ZNF682: variants seen among roughly 807,000 people sequenced by gnomAD.
The protein encoded by ZNF682 is zinc finger protein 682.
A neutral mutation model predicts 36.5 loss-of-function variants in ZNF682; 29 were observed. That is an observed-to-expected ratio of 0.80 (90% CI 0.59 to 1.08). ZNF682 has a LOEUF of 1.08. Among genes scored for constraint, ZNF682 ranks in the 50% least tolerant of loss-of-function variants. ZNF682 has a pLI of 0.00. For synonymous variants in ZNF682, 180 were observed against 197.0 expected, an observed-to-expected ratio of 0.91 and a Z score of 0.72; for missense variants, 561 against 579.7, an observed-to-expected ratio of 0.97 and a Z score of 0.33.
chr19:20,012,674 A>C (rs184239430), intron 3 of ZNF682, among the ~76,000 whole-genome samples: 28 of 151,124 alleles, frequency 1.9e-4, no homozygotes, highest in African/African-American at 6.6e-4. Flanking sequence ...AGGCTGAGGC[A>C]GGAGAATGGC....
At chr19:19,997,866 G>C (rs1271899316) in intron 3 of ZNF682, among the ~76,000 whole-genome samples, 1 of 152,230 alleles carries the variant, frequency 6.6e-6, no homozygotes, top group African/African-American at 2.4e-5. Flanking sequence ...ATGGCCTCTA[G>C]GTGGTGAGAG....
At chr19:19,997,989 T>C (rs2088138198) in intron 3 of ZNF682, among the ~76,000 whole-genome samples, 1 of 152,094 alleles carries the variant, frequency 6.6e-6, no homozygotes. Flanking sequence ...TATCAAGTGG[T>C]CAAAAGCAGG....
chr19:19,997,684 G>A (rs992696597), intron 3 of ZNF682, among the ~76,000 whole-genome samples: 2 of 152,206 alleles, frequency 1.3e-5, no homozygotes, highest in Non-Finnish European at 2.9e-5. Flanking sequence ...ACCCCAAAAG[G>A]TGGAGGCAAA....
chr19:20,006,388 C>T lies in ZNF682; in HGVS notation c.1114G>A (p.Glu372Lys). 1 of 1,612,706 alleles carries T rather than the reference C, an allele frequency of 6.2e-7. No homozygotes were observed. The highest frequency in any genetic ancestry group is 8.5e-7 in the Non-Finnish European group (1 of 1,179,680). Residue 372 changes from glutamate (E) to lysine (K), a missense_variant, in exon 4 of 4, where the codon GAA becomes AAA. Coordinates refer to ENST00000397165, the MANE Select transcript of ZNF682 (RefSeq NM_033196.3). ...CTCTTAAAGACTTTGTCACATTTTTCACATTTGTAGGGTTTCTCTCCGCTA... is the reference window on the plus strand; with the variant it reads ...CTCTTAAAGACTTTGTCACATTTTTTACATTTGTAGGGTTTCTCTCCGCTA... ...IHSGEKPYKC[E>K]KCDKVFKRFS...
At chr19:20,004,217 A>C (rs2088190390), downstream of ZNF682, among the ~76,000 whole-genome samples, 1 of 152,202 alleles carries the variant, frequency 6.6e-6, no homozygotes, top group South Asian at 2.1e-4. Flanking sequence ...TAGAAGAAAA[A>C]TAATAAAAAT....
intron 1 of ZNF682, among the ~76,000 whole-genome samples, chr19:20,026,532 T>C (rs1297473995): frequency 1.3e-5 from 2 of 152,096 alleles, no homozygotes; most frequent in East Asian, 1.9e-4. Context: ...GTGAGTGGCA[T>C]GATCCCGGCT....
At chr19:20,030,779 G>A (rs1228188195) in intron 1 of ZNF682, 1 of 152,080 alleles carries the variant, frequency 6.6e-6, no homozygotes, top group Non-Finnish European at 1.5e-5. Context: ...GATTATGATT[G>A]CCTCATCTGT....
intron 1 of ZNF682, among the ~76,000 whole-genome samples, chr19:20,030,036 G>A (rs865869433): frequency 6.6e-6 from 1 of 152,038 alleles, no homozygotes; most frequent in Non-Finnish European, 1.5e-5. Flanking sequence ...GACAGGGAGA[G>A]GGCCCTAGGT....
chr19:20,035,462 G>A (rs2088520141), intron 1 of ZNF682, among the ~76,000 whole-genome samples: 1 of 151,990 alleles, frequency 6.6e-6, no homozygotes, highest in African/African-American at 2.4e-5. Flanking sequence ...CTGACCTCGT[G>A]ATCCACCCAC....
chr19:20,027,870 C>T (rs577740682), intron 1 of ZNF682, among the ~76,000 whole-genome samples: 27 of 151,922 alleles, frequency 1.8e-4, no homozygotes, highest in African/African-American at 4.3e-4. Context: ...GCCAAGATCG[C>T]GCCACTGCAC....
At chr19:20,038,970 A>G (rs566317772) in intron 1 of ZNF682, among the ~76,000 whole-genome samples, 2 of 152,334 alleles carry the variant, frequency 1.3e-5, no homozygotes, top group East Asian at 3.9e-4. Flanking sequence ...CAGGAGAAGG[A>G]AAAGACTGAG....
At chr19:19,995,246 A>G (rs371609497), downstream of ZNF682, among the ~76,000 whole-genome samples, 3 of 152,358 alleles carry the variant, frequency 2.0e-5, no homozygotes, top group East Asian at 5.8e-4. Context: ...GCAAATTGCA[A>G]TGGGAAGAGG....
In ZNF682 at chr19:20,015,099, TTA is replaced by T. The variant is rs1216734619; in HGVS notation, c.227-7826_227-7825del. On this transcript the variant is annotated intron_variant, in intron 3 of 3. Coordinates refer to ENST00000397165, the MANE Select transcript of ZNF682 (RefSeq NM_033196.3). ...CTGAAAATATTTAAGATTCTAAATT[TTA>T]TGTTATGTATTTTGCACAATTAAAA... is the stretch of plus-strand genomic sequence containing the variant. 3 of 665,042 alleles carry T rather than the reference TTA, an allele frequency of 4.5e-6. No individual in the cohort carries two copies. In the African/African-American group the frequency reaches 5.9e-5, roughly 13 times the overall value. 41.2% of individuals were successfully genotyped at this position (665,042 alleles called of 1,614,324 possible). A position where few individuals can be genotyped will look rare whatever the true frequency, so the allele number is the denominator to read the frequency against.
In ZNF682 at chr19:20,039,145, C is replaced by A. The variant is rs749057247; in HGVS notation, c.3+198G>T. The A allele has an allele frequency of 3.3e-5, 46 of 1,397,428 alleles. 2 individuals are homozygous for A. The South Asian group carries it at 7.2e-4, about 22-fold the overall frequency. 86.6% of individuals were successfully genotyped at this position (1,397,428 alleles called of 1,614,324 possible). A position where few individuals can be genotyped will look rare whatever the true frequency, so the allele number is the denominator to read the frequency against. ...GAAGCGGGAGAACGGAACGGGATGC[C>A]CGCCCAGGGTCCCGGCTGCTGGCCC... On this transcript the variant is annotated intron_variant, in intron 1 of 3. Transcript: ENST00000397165.
chr19:20,000,126 G>A (rs1599598533), downstream of ZNF682, among the ~76,000 whole-genome samples: 1 of 152,218 alleles, frequency 6.6e-6, no homozygotes, highest in African/African-American at 2.4e-5. Flanking sequence ...TGAGTAATCA[G>A]TAGCCTGGCG....
intron 3 of ZNF682, among the ~76,000 whole-genome samples, chr19:19,998,904 AATAT>A (rs1273582667): frequency 1.3e-5 from 2 of 152,208 alleles, no homozygotes; most frequent in East Asian, 1.9e-4. Flanking sequence ...CTTTTAGAAA[AATAT>A]ATATATAATC....
intron 2 of ZNF682, 103 bp from the exon 3 acceptor site, chr19:20,023,202 G>C (rs574353197): frequency 2.3e-5 from 25 of 1,079,266 alleles, no homozygotes; most frequent in Non-Finnish European, 3.2e-5. Context: ...GATGATTCTA[G>C]AAAATTAATA....
chr19:20,002,680 T>C (rs1391604958), downstream of ZNF682, among the ~76,000 whole-genome samples: 63 of 152,170 alleles, frequency 4.1e-4, no homozygotes, highest in Non-Finnish European at 1.5e-5. Flanking sequence ...CTCACTCCAA[T>C]TGGAACACTA....
Position 20,004,710 on chromosome 19 carries a change from C to A in ZNF682, c.*1295G>T, listed in dbSNP as rs1362142565. On this transcript the variant is annotated 3_prime_UTR_variant, in exon 4 of 4. Transcript: ENST00000397165. ...TCCTAATATAGAACTTCTCAAACCCCGAGCAGCAGAAATTGACCACATGCT... is the reference window on the plus strand; with the variant it reads ...TCCTAATATAGAACTTCTCAAACCCAGAGCAGCAGAAATTGACCACATGCT... 6.6e-6 allele frequency: 1 copy of A among 152,110 alleles called. No homozygotes were observed. Among genetic ancestry groups the A allele is most frequent in the African/African-American group, 2.4e-5 (1 of 41,422 alleles). 9.4% of individuals were successfully genotyped at this position (152,110 alleles called of 1,614,324 possible).
Sources: allele counts gnomAD v4.1 joint callset (sites outside exome capture counted in the v4.1 genomes callset), GRCh38; gene constraint gnomAD v4.1.1; transcripts MANE v1.5; gene names NCBI Gene and HGNC (gene_info 2026-07-23, HGNC 2026-07-21).